The following EVC2 variants were observed in gnomAD, a reference collection of about 807,000 sequenced individuals.
EVC2 encodes the protein limbin.
Under a neutral mutation model 149.3 loss-of-function variants are expected in EVC2, and 148 were observed. The ratio of observed to expected loss-of-function variants is 0.99; its 90% CI spans 0.87 to 1.14. The LOEUF is 1.14. EVC2 is among the 50% of genes most tolerant of loss of function. EVC2 has a pLI of 0.00. For synonymous variants in EVC2, 776 were observed against 649.9 expected, an observed-to-expected ratio of 1.19 and a Z score of -2.95; for missense variants, 1,854 against 1,627.3, an observed-to-expected ratio of 1.14 and a Z score of -2.40.
chr4:5,632,398 G>A (rs934868116), intron 10 of EVC2, among the ~76,000 whole-genome samples: 7 of 152,104 alleles, frequency 4.6e-5, no homozygotes, highest in Middle Eastern at 3.2e-3. Flanking sequence ...TGACAATAAT[G>A]AGGTTACTAA....
At chr4:5,628,409 C>A in intron 12 of EVC2, 150 bp downstream of exon 12, 2 of 920,840 alleles carry the variant, frequency 2.2e-6, no homozygotes, top group South Asian at 1.5e-5. Flanking sequence ...AGTAAGAAGG[C>A]CCTCACTCGA....
At chr4:5,629,425 G>A (rs1181626755) in intron 11 of EVC2, among the ~76,000 whole-genome samples, 2 of 152,174 alleles carry the variant, frequency 1.3e-5, no homozygotes, top group African/African-American at 2.4e-5. Flanking sequence ...TCCAGGACCT[G>A]TGCTCTAACA....
At chr4:5,611,371 GAT>G (rs1262391788) in intron 16 of EVC2, among the ~76,000 whole-genome samples, 1 of 152,146 alleles carries the variant, frequency 6.6e-6, no homozygotes, top group Non-Finnish European at 1.5e-5. Flanking sequence ...ACAGGAATTT[GAT>G]AGAGACTAGA....
At chr4:5,582,202 C>A (rs576236561) in intron 17 of EVC2, among the ~76,000 whole-genome samples, 1 of 152,188 alleles carries the variant, frequency 6.6e-6, no homozygotes, top group African/African-American at 2.4e-5. Context: ...AATGATAGAT[C>A]CACTGACAGC....
intron 21 of EVC2, among the ~76,000 whole-genome samples, chr4:5,549,682 C>G (rs533140194): frequency 1.3e-5 from 2 of 152,150 alleles, no homozygotes; most frequent in African/African-American, 4.8e-5. Flanking sequence ...TTCCAAATAC[C>G]AAGGACTTTG....
chr4:5,628,502 T>C (rs1560177333), intron 12 of EVC2, 57 bp downstream of exon 12: 78 of 1,594,036 alleles, frequency 4.9e-5, no homozygotes, highest in East Asian at 1.6e-4. Context: ...TATTCTGTCA[T>C]AGCAGCAGAA....
chr4:5,538,773 A>T (rs563807222), downstream of EVC2, among the ~76,000 whole-genome samples: 5 of 152,296 alleles, frequency 3.3e-5, no homozygotes, highest in African/African-American at 4.8e-5. Flanking sequence ...TCCAATGTCC[A>T]TTTCTGATTA....
chr4:5,592,472 C>T (rs745511487), intron 16 of EVC2, among the ~76,000 whole-genome samples: 1 of 152,130 alleles, frequency 6.6e-6, no homozygotes, highest in African/African-American at 2.4e-5. Flanking sequence ...GAGAGAGCCC[C>T]GCCAAATACC....
In EVC2 at chr4:5,622,198, C is replaced by T. The variant is rs1395836691; in HGVS notation, c.2501+339G>A. ...TTCTTATTAGGGGAACCAGCACATT[C>T]CCATTTATCCCTGAGTAGCTCCCTG... On this transcript the variant is annotated intron_variant, in intron 14 of 21. Transcript: ENST00000344408. The surrounding 1 kb of genome is among the most constrained non-coding windows in gnomAD (Gnocchi z 5.8). Among the ~76,000 whole-genome samples, 2 of 152,002 alleles carry T rather than the reference C, an allele frequency of 1.3e-5. No homozygotes were observed. The highest frequency in any genetic ancestry group is 2.4e-5 in the African/African-American group (1 of 41,398).
rs949223686 is a variant in EVC2 at position 5,562,790 on chromosome 4, G to A, written c.*58C>T. On this transcript the variant is annotated 3_prime_UTR_variant, in exon 22 of 22. Transcript: ENST00000344408. This position sits in a 1 kb window ranked among gnomAD's most constrained non-coding sequence, Gnocchi z 4.3. ...GCATTATAAACACACAAACACCGGC[G>A]GGCAGGAGAAAATCATCCCTTCTCT... The A allele has an allele frequency of 1.1e-4, 178 of 1,609,186 alleles. No individual in the cohort carries two copies. The highest frequency in any genetic ancestry group is 2.4e-4 in the East Asian group (11 of 44,900).
intron 21 of EVC2, among the ~76,000 whole-genome samples, chr4:5,551,390 G>C (rs1027071942): frequency 6.6e-6 from 1 of 152,238 alleles, no homozygotes; most frequent in Non-Finnish European, 1.5e-5. Context: ...GGAGCTGTAA[G>C]ATTTGACTGC....
chr4:5,691,469 CTT>C (rs1463578116), intron 3 of EVC2, 136 bp from the exon 4 acceptor site: 4 of 706,840 alleles, frequency 5.7e-6, no homozygotes, highest in African/African-American at 5.4e-5. Flanking sequence ...ATCTTGAAGT[CTT>C]ATTTTTTAAA....
rs1222362894 is a variant in EVC2, at chr4:5,618,784, T to G, written c.2502-102A>C. The G allele has an allele frequency of 8.6e-7, 1 of 1,158,140 alleles. No homozygotes were observed. Among genetic ancestry groups the G allele is most frequent in the African/African-American group, 1.5e-5 (1 of 65,520 alleles). The allele number at this position is 1,158,140 out of a possible 1,614,324, so 71.7% of individuals were successfully genotyped here. On this transcript the variant is annotated intron_variant, in intron 14 of 21. Coordinates refer to ENST00000344408, the MANE Select transcript of EVC2 (RefSeq NM_147127.5). This position sits in a 1 kb window ranked among gnomAD's most constrained non-coding sequence, Gnocchi z 4.4. ...GCAAAGCTCATTCCTCATATCCATGTCTGCAGAAAAAGCACTGGCTCCTTA... is the reference window on the plus strand; with the variant it reads ...GCAAAGCTCATTCCTCATATCCATGGCTGCAGAAAAAGCACTGGCTCCTTA...
chr4:5,656,467 C>A lies in EVC2; in HGVS notation c.1145+6640G>T, dbSNP rs377622287. Among the ~76,000 whole-genome samples the A allele has an allele frequency of 4.6e-5, 7 of 152,164 alleles. No individual in the cohort carries two copies. The East Asian group carries it at 5.8e-4, about 13-fold the overall frequency. On this transcript the variant is annotated intron_variant, in intron 9 of 21. Transcript: ENST00000344408. ...AATGTGACCTTCGAAGGGAAAAGGG[C>A]CTTTGCAGATATAATTAAGTGAAGG...
chr4:5,580,121 T>C (rs1436931062), intron 17 of EVC2, among the ~76,000 whole-genome samples: 1 of 152,226 alleles, frequency 6.6e-6, no homozygotes, highest in East Asian at 1.9e-4. Context: ...TTCCAAAGCA[T>C]TCTATTTCAT....
downstream of EVC2, among the ~76,000 whole-genome samples, chr4:5,542,239 C>G (rs952643680): frequency 6.6e-6 from 1 of 152,122 alleles, no homozygotes; most frequent in Non-Finnish European, 1.5e-5. Flanking sequence ...ATCACTTGAG[C>G]CCAAGAGTTT....
intron 21 of EVC2, among the ~76,000 whole-genome samples, chr4:5,549,367 G>A (rs1235921575): frequency 6.6e-6 from 1 of 152,194 alleles, no homozygotes; most frequent in Non-Finnish European, 1.5e-5. Context: ...AGAGGTTGAA[G>A]AACTTGTCCA....
At chr4:5,644,397 C>T (rs138343497) in intron 9 of EVC2, among the ~76,000 whole-genome samples, 4,274 of 150,914 alleles carry the variant, frequency 0.028, 205 homozygotes, top group African/African-American at 0.099. Flanking sequence ...CTCCGCCTCC[C>T]AGGTTCAAGT....
chr4:5,567,660 T>C lies in EVC2; in HGVS notation c.3557+784A>G, dbSNP rs1722372251. ...CCATAAAAAGCCTTTAATGACCAAATTCACACCTGGGGCCCCATCCTAAAG... is the reference window on the plus strand; with the variant it reads ...CCATAAAAAGCCTTTAATGACCAAACTCACACCTGGGGCCCCATCCTAAAG... On this transcript the variant is annotated intron_variant, in intron 20 of 21. Coordinates refer to ENST00000344408, the MANE Select transcript of EVC2 (RefSeq NM_147127.5). The surrounding 1 kb of genome is among the most constrained non-coding windows in gnomAD (Gnocchi z 4.4). Among the ~76,000 whole-genome samples the C allele has an allele frequency of 6.6e-6, 1 of 151,874 alleles. No homozygotes were observed. Among genetic ancestry groups the C allele is most frequent in the African/African-American group, 2.4e-5 (1 of 41,330 alleles).
Sources: gnomAD v4.1 joint callset for allele counts (sites outside exome capture counted in the v4.1 genomes callset) on GRCh38, gnomAD v4.1.1 for gene constraint, Gnocchi (gnomAD v3.1) non-coding constraint, MANE v1.5 for transcripts, NCBI Gene and HGNC (gene_info 2026-07-23, HGNC 2026-07-21) for gene names.